The following IQCH variants were observed in gnomAD, a reference collection of about 807,000 sequenced individuals.
IQCH encodes the protein IQ domain-containing protein H.
A neutral mutation model predicts 117.0 loss-of-function variants in IQCH; 98 were observed. The ratio of observed to expected loss-of-function variants is 0.84; its 90% CI spans 0.71 to 0.99. IQCH has a LOEUF of 0.99. IQCH is among the 50% of genes least tolerant of loss of function. The pLI, the probability that IQCH is intolerant of heterozygous loss-of-function variation, is 0.00. For synonymous variants in IQCH, 412 were observed against 448.2 expected (o/e 0.92, Z 1.02); for missense variants, 1,102 against 1,243.8 (o/e 0.89, Z 1.72).
At chr15:67,307,244 T>C (rs1043609539) in intron 4 of IQCH, 2 of 728,404 alleles carry the variant, frequency 2.7e-6, no homozygotes, top group Admixed American at 1.2e-4. Context: ...TTTTATTTAT[T>C]CATGAGGTTG....
At chr15:67,279,352 A>G in intron 3 of IQCH, 43 bp from the exon 4 acceptor site, 1 of 1,091,736 alleles carries the variant, frequency 9.2e-7, no homozygotes, top group Non-Finnish European at 1.4e-6. Flanking sequence ...AAAAGCTTTT[A>G]AAATAGCAAA....
chr15:67,416,891 A>T lies in IQCH; in HGVS notation c.2098-40A>T, dbSNP rs962257442. 2.0e-6 allele frequency: 3 copies of T among 1,518,106 alleles called. No individual in the cohort carries two copies. Among genetic ancestry groups the T allele is most frequent in the Non-Finnish European group, 2.6e-6 (3 of 1,132,534 alleles). 94.0% of individuals were successfully genotyped at this position (1,518,106 alleles called of 1,614,324 possible). ...CTCCACAAGCAGTTTTCATTTCTGT[A>T]GTAAAATTGCTTGTGGTTCTATTTA... is the stretch of plus-strand genomic sequence containing the variant. On this transcript the variant is annotated intron_variant, in intron 14 of 20. Coordinates refer to ENST00000335894, the MANE Select transcript of IQCH (RefSeq NM_001031715.3). This position sits in a 1 kb window ranked among gnomAD's most constrained non-coding sequence, Gnocchi z 5.1.
chr15:67,498,322 TAA>T (rs1471485420), intron 20 of IQCH, among the ~76,000 whole-genome samples: 1 of 152,006 alleles, frequency 6.6e-6, no homozygotes, highest in Non-Finnish European at 1.5e-5. Context: ...ATATAAAAAT[TAA>T]GTTAAAATGG....
In IQCH at chr15:67,390,751, A is replaced by T. The variant is rs957125217; in HGVS notation, c.1632+1745A>T. The stretch of plus-strand genomic sequence containing the variant: ...TGATCCGCCTGCCTTGGCCTCCCAA[A>T]GTGCTGGGGTTACAGGTGTGAGCCA... On this transcript the variant is annotated intron_variant, in intron 12 of 20. Coordinates refer to ENST00000335894, the MANE Select transcript of IQCH (RefSeq NM_001031715.3). This position sits in a 1 kb window ranked among gnomAD's most constrained non-coding sequence, Gnocchi z 5.0. Among the ~76,000 whole-genome samples, 2 of 152,172 alleles carry T rather than the reference A, an allele frequency of 1.3e-5. No individual in the cohort carries two copies. Among genetic ancestry groups the T allele is most frequent in the African/African-American group, 2.4e-5 (1 of 41,444 alleles).
rs1346102901 is a variant in IQCH, at chr15:67,456,815, C to T, written c.2506-8312C>T. Among the ~76,000 whole-genome samples the T allele has an allele frequency of 6.6e-6, 1 of 151,968 alleles. No homozygotes were observed. Among genetic ancestry groups the T allele is most frequent in the South Asian group, 2.1e-4 (1 of 4,820 alleles). ...CACGGAAGTCTTAGGTACGCCTGGC[C>T]CTGAGTGCTAAGTGGTGGGGCACAG... is the stretch of plus-strand genomic sequence containing the variant. On this transcript the variant is annotated intron_variant, in intron 16 of 20. Coordinates refer to ENST00000335894, the MANE Select transcript of IQCH (RefSeq NM_001031715.3). This position sits in a 1 kb window ranked among gnomAD's most constrained non-coding sequence, Gnocchi z 5.1.
rs1457118937 is a variant in IQCH at position 67,493,849 on chromosome 15, T to C, written c.2862-409T>C. Among the ~76,000 whole-genome samples, 4 of 152,146 alleles carry C rather than the reference T, an allele frequency of 2.6e-5. No homozygotes were observed. The highest frequency in any genetic ancestry group is 4.4e-5 in the Non-Finnish European group (3 of 68,018). ...ACAGGCCCCGGTGTGTGATGTTCCC[T>C]ACCCTGTGTCCAAGTGTTCTCACTG... On this transcript the variant is annotated intron_variant, in intron 19 of 20. Transcript: ENST00000335894. This position sits in a 1 kb window ranked among gnomAD's most constrained non-coding sequence, Gnocchi z 5.1.
At chr15:67,361,318 T>C (rs776917210) in intron 8 of IQCH, among the ~76,000 whole-genome samples, 4 of 152,192 alleles carry the variant, frequency 2.6e-5, no homozygotes, top group Non-Finnish European at 5.9e-5. Flanking sequence ...CCAGGCTCTG[T>C]TCCTAATGTC....
chr15:67,350,282 A>G lies in IQCH; in HGVS notation c.637+6091A>G, dbSNP rs148343953. Among the ~76,000 whole-genome samples, 105 of 152,346 alleles carry G rather than the reference A, an allele frequency of 6.9e-4. 4 individuals carry two copies. In the East Asian group the frequency reaches 0.012, roughly 17 times the overall value. ...AGCCAAACTCAACAGGCTACACACC[A>G]TATGATTCTATTTACATGACATTTT... On this transcript the variant is annotated intron_variant, in intron 6 of 20. Coordinates refer to ENST00000335894, the MANE Select transcript of IQCH (RefSeq NM_001031715.3).
chr15:67,479,810 A>G lies in IQCH; in HGVS notation c.2799+3992A>G, dbSNP rs1356854575. 6.6e-6 allele frequency among the ~76,000 whole-genome samples: 1 copy of G among 152,236 alleles called. No individual in the cohort carries two copies. Among genetic ancestry groups the G allele is most frequent in the East Asian group, 1.9e-4 (1 of 5,204 alleles). ...AGAATCCTCAAAAGTCCTTATTCTC[A>G]GCACTGTTTTCCCATTATGATCACA... On this transcript the variant is annotated intron_variant, in intron 18 of 20. Coordinates refer to ENST00000335894, the MANE Select transcript of IQCH (RefSeq NM_001031715.3). This position sits in a 1 kb window ranked among gnomAD's most constrained non-coding sequence, Gnocchi z 4.6.
chr15:67,342,645 A>C lies in IQCH; in HGVS notation c.509-1418A>C, dbSNP rs1969223216. ...TGGAAAATATTTGTGAGGACAAAGA[A>C]TTAGTCTTACAAGATTTTTAAAGTA... is the stretch of plus-strand genomic sequence containing the variant. On this transcript the variant is annotated intron_variant, in intron 5 of 20. Transcript: ENST00000335894. The surrounding 1 kb of genome is among the most constrained non-coding windows in gnomAD (Gnocchi z 4.7). Among the ~76,000 whole-genome samples the C allele has an allele frequency of 6.6e-6, 1 of 152,202 alleles. No individual in the cohort carries two copies. The highest frequency in any genetic ancestry group is 1.5e-5 in the Non-Finnish European group (1 of 68,036).
chr15:67,425,386 G>A lies in IQCH; in HGVS notation c.2505+3809G>A, dbSNP rs1331379937. On this transcript the variant is annotated intron_variant, in intron 16 of 20. Transcript: ENST00000335894. This position sits in a 1 kb window ranked among gnomAD's most constrained non-coding sequence, Gnocchi z 5.5. ...CCCAGCACTTTGGGTGGCCGAGGTGGGTGGATCACGAGGTCAGGAGTTCAA... is the reference window on the plus strand; with the variant it reads ...CCCAGCACTTTGGGTGGCCGAGGTGAGTGGATCACGAGGTCAGGAGTTCAA... Among the ~76,000 whole-genome samples, 2 of 152,162 alleles carry A rather than the reference G, an allele frequency of 1.3e-5. No individual in the cohort carries two copies. The highest frequency in any genetic ancestry group is 2.4e-5 in the African/African-American group (1 of 41,430).
At position 67,427,179 on chromosome 15, in the gene IQCH, C is replaced by T. The variant is rs2081912179; in HGVS notation, c.2505+5602C>T. ...GAGTCTTTATCCCTCAATATAGTTA[C>T]TTCTTTGCTTAGTCAGTTTACTTAT... On this transcript the variant is annotated intron_variant, in intron 16 of 20. Coordinates refer to ENST00000335894, the MANE Select transcript of IQCH (RefSeq NM_001031715.3). The surrounding 1 kb of genome is among the most constrained non-coding windows in gnomAD (Gnocchi z 4.7). Among the ~76,000 whole-genome samples the T allele has an allele frequency of 1.3e-5, 2 of 152,136 alleles. No individual in the cohort carries two copies.
intron 5 of IQCH, among the ~76,000 whole-genome samples, chr15:67,340,439 A>C (rs1224364674): frequency 1.5e-5 from 2 of 132,288 alleles, no homozygotes; most frequent in African/African-American, 2.7e-5. Context: ...AAAAAAAAAA[A>C]AAAAAAAAAA....
chr15:67,426,775 AC>A lies in IQCH; in HGVS notation c.2505+5200del, dbSNP rs2081902189. Reference sequence around the variant, plus strand: ...AATTGCTTGAGCTCAGGAGTTCAATACCAGCCTGGGCAACATAGAAAGGTCC... The same window carrying A: ...AATTGCTTGAGCTCAGGAGTTCAATACAGCCTGGGCAACATAGAAAGGTCC... On this transcript the variant is annotated intron_variant, in intron 16 of 20. Coordinates refer to ENST00000335894, the MANE Select transcript of IQCH (RefSeq NM_001031715.3). The surrounding 1 kb of genome is among the most constrained non-coding windows in gnomAD (Gnocchi z 5.1). Among the ~76,000 whole-genome samples the A allele has an allele frequency of 6.6e-6, 1 of 152,082 alleles. No homozygotes were observed. Among genetic ancestry groups the A allele is most frequent in the Non-Finnish European group, 1.5e-5 (1 of 68,012 alleles).
At position 67,425,636 on chromosome 15, in the gene IQCH, C is replaced by G. The variant is rs562107190; in HGVS notation, c.2505+4059C>G. Among the ~76,000 whole-genome samples the G allele has an allele frequency of 1.3e-5, 2 of 152,240 alleles. No homozygotes were observed. Among genetic ancestry groups the G allele is most frequent in the South Asian group, 4.1e-4 (2 of 4,822 alleles). On this transcript the variant is annotated intron_variant, in intron 16 of 20. Transcript: ENST00000335894. The surrounding 1 kb of genome is among the most constrained non-coding windows in gnomAD (Gnocchi z 5.5). ...CAAAAAACAAATTACTATTTCCTCC[C>G]TTGTAATTGATTAGTAATATTTTGT...
At chr15:67,446,773 G>A (rs2082401433) in intron 16 of IQCH, among the ~76,000 whole-genome samples, 2 of 152,176 alleles carry the variant, frequency 1.3e-5, no homozygotes, top group Non-Finnish European at 2.9e-5. Flanking sequence ...TATACTGAAG[G>A]ACTGTATTTC....
intron 6 of IQCH, among the ~76,000 whole-genome samples, chr15:67,346,440 A>G (rs989250024): frequency 2.6e-5 from 4 of 152,166 alleles, no homozygotes; most frequent in African/African-American, 7.2e-5. Flanking sequence ...GAACTGTTCC[A>G]CCTCAGATAA....
intron 20 of IQCH, among the ~76,000 whole-genome samples, chr15:67,499,295 C>G (rs1296217594): frequency 3.4e-4 from 2 of 5,936 alleles, no homozygotes; most frequent in East Asian, 2.2e-3. Context: ...CAAGACCTGT[C>G]CCAAAAAAAA....
chr15:67,290,524 G>T (rs1345966726), intron 4 of IQCH, among the ~76,000 whole-genome samples: 1 of 151,988 alleles, frequency 6.6e-6, no homozygotes, highest in African/African-American at 2.4e-5. Flanking sequence ...TTACTCCTGT[G>T]GGTAGTGACT....
Sources: allele counts gnomAD v4.1 joint callset (sites outside exome capture counted in the v4.1 genomes callset), GRCh38; gene constraint gnomAD v4.1.1; non-coding constraint Gnocchi (gnomAD v3.1); transcripts MANE v1.5; gene names NCBI Gene and HGNC (gene_info 2026-07-23, HGNC 2026-07-21).